Variants in CSRNP3 observed in about 807,000 individuals in gnomAD.
CSRNP3 encodes cysteine and serine rich nuclear protein 3.
Under a neutral mutation model 48.0 loss-of-function variants are expected in CSRNP3, and 12 were observed. That is an observed-to-expected ratio of 0.25 (90% CI 0.16 to 0.41). The LOEUF is 0.41. Among genes scored for constraint, CSRNP3 ranks in the 10% least tolerant of loss-of-function variants. The pLI is 1.00. For synonymous variants in CSRNP3, 263 were observed against 269.7 expected (o/e 0.98, Z 0.24); for missense variants, 580 against 724.4 (o/e 0.80, Z 2.29).
At chr2:165,585,685 A>G (rs1029334678) in intron 3 of CSRNP3, among the ~76,000 whole-genome samples, 6 of 152,228 alleles carry the variant, frequency 3.9e-5, no homozygotes, top group Admixed American at 2.0e-4. Flanking sequence ...AGAATGCACA[A>G]TAGATTATTT....
intron 1 of CSRNP3, among the ~76,000 whole-genome samples, chr2:165,492,008 A>G (rs915406374): frequency 6.6e-6 from 1 of 151,022 alleles, no homozygotes; most frequent in Admixed American, 6.6e-5. Context: ...GAAATTAAGT[A>G]ACCAAATTCT....
chr2:165,668,536 G>A (rs1159784034), intron 5 of CSRNP3, among the ~76,000 whole-genome samples: 2 of 151,500 alleles, frequency 1.3e-5, no homozygotes, highest in African/African-American at 2.4e-5. Flanking sequence ...CAAATACCTG[G>A]GACTGCAGGT....
intron 4 of CSRNP3, among the ~76,000 whole-genome samples, chr2:165,628,788 C>T (rs1014805498): frequency 1.3e-5 from 2 of 151,342 alleles, no homozygotes; most frequent in East Asian, 2.0e-4. Context: ...ATGAGGGGGC[C>T]GGGCACAGTG....
At chr2:165,615,923 G>T (rs560207154) in intron 4 of CSRNP3, among the ~76,000 whole-genome samples, 1 of 139,856 alleles carries the variant, frequency 7.2e-6, no homozygotes, top group African/African-American at 2.7e-5. Context: ...TACAGATTGG[G>T]TCTCACTATG....
intron 2 of CSRNP3, among the ~76,000 whole-genome samples, chr2:165,506,293 A>G (rs34839987): frequency 0.086 from 13,153 of 152,246 alleles, 857 homozygotes; most frequent in Middle Eastern, 0.14. Context: ...GTGCTCAGAT[A>G]GGATCTCTGT....
At chr2:165,521,299 T>C (rs1437382425) in intron 3 of CSRNP3, among the ~76,000 whole-genome samples, 1 of 152,188 alleles carries the variant, frequency 6.6e-6, no homozygotes, top group Non-Finnish European at 1.5e-5. Context: ...TATTGAGCTT[T>C]GTTGTACTCA....
chr2:165,596,133 T>C (rs1232724220), intron 4 of CSRNP3, among the ~76,000 whole-genome samples: 1 of 140,444 alleles, frequency 7.1e-6, no homozygotes, highest in African/African-American at 2.9e-5. Context: ...GTTTTCTTTT[T>C]GATTTTTTTT....
At chr2:165,628,588 G>T (rs917315593) in intron 4 of CSRNP3, among the ~76,000 whole-genome samples, 1 of 151,966 alleles carries the variant, frequency 6.6e-6, no homozygotes, top group Admixed American at 6.6e-5. Flanking sequence ...GCTGGGCGTG[G>T]TGGTGGGCGC....
At chr2:165,536,790 T>G (rs1172359860) in intron 3 of CSRNP3, among the ~76,000 whole-genome samples, 1 of 151,912 alleles carries the variant, frequency 6.6e-6, no homozygotes, top group Non-Finnish European at 1.5e-5. Context: ...CTTTCATGTG[T>G]GCCAGTTATT....
At chr2:165,602,539 G>A (rs1309004640) in intron 4 of CSRNP3, among the ~76,000 whole-genome samples, 1 of 152,206 alleles carries the variant, frequency 6.6e-6, no homozygotes, top group Non-Finnish European at 1.5e-5. Flanking sequence ...AGTAAATTAT[G>A]AGTGGAGGAA....
intron 1 of CSRNP3, among the ~76,000 whole-genome samples, chr2:165,481,047 C>T (rs1394960827): frequency 6.6e-6 from 1 of 151,512 alleles, no homozygotes; most frequent in Non-Finnish European, 1.5e-5. Flanking sequence ...TTTATAATAA[C>T]AAATACTTAA....
chr2:165,662,936 AAAAC>A (rs1403555533), intron 5 of CSRNP3, among the ~76,000 whole-genome samples: 1 of 152,174 alleles, frequency 6.6e-6, no homozygotes, highest in African/African-American at 2.4e-5. Flanking sequence ...CCTCATTTAA[AAAAC>A]AAACAAAAAA....
rs199936893 is a variant in CSRNP3, at chr2:165,599,273, A to G, written c.148+4060A>G. Among the ~76,000 whole-genome samples, 52 of 69,030 alleles carry G rather than the reference A, an allele frequency of 7.5e-4. No homozygotes were observed. In the East Asian group the frequency reaches 0.018, roughly 25 times the overall value. 45.3% of individuals were successfully genotyped at this position (69,030 alleles called of 152,430 possible). On this transcript the variant is annotated intron_variant, in intron 4 of 6. Transcript: ENST00000651982. ...AAAAAGAAAGAAAGAAAAAGAAAGA[A>G]AGAGAGAGAGAGAAAGAAAGAAAGA...
At chr2:165,671,635 G>A (rs1360445998) in intron 5 of CSRNP3, among the ~76,000 whole-genome samples, 2 of 152,208 alleles carry the variant, frequency 1.3e-5, no homozygotes, top group Admixed American at 6.5e-5. Flanking sequence ...AATGGGAGGG[G>A]CTGCTGTGAA....
Position 165,657,182 on chromosome 2 carries a change from A to T in CSRNP3, c.149-579A>T, listed in dbSNP as rs1321110355. Among the ~76,000 whole-genome samples the T allele has an allele frequency of 2.0e-5, 3 of 152,302 alleles. No homozygotes were observed. In the South Asian group the frequency reaches 6.2e-4, roughly 32 times the overall value. On this transcript the variant is annotated intron_variant, in intron 4 of 6. Transcript: ENST00000651982. Reference sequence around the variant, plus strand: ...TAGTTACATAGTAGCCATCTCGGTTATCAGATCAACTGCCATGGGTATCCC... The same window carrying T: ...TAGTTACATAGTAGCCATCTCGGTTTTCAGATCAACTGCCATGGGTATCCC...
At chr2:165,614,780 A>T (rs1455891445) in intron 4 of CSRNP3, among the ~76,000 whole-genome samples, 1 of 152,166 alleles carries the variant, frequency 6.6e-6, no homozygotes, top group East Asian at 1.9e-4. Context: ...TTTCAATAAC[A>T]TTTTTTAAAC....
chr2:165,667,810 T>C (rs564379754), intron 5 of CSRNP3, among the ~76,000 whole-genome samples: 13 of 152,322 alleles, frequency 8.5e-5, no homozygotes, highest in Non-Finnish European at 1.8e-4. Flanking sequence ...AACTTGCACA[T>C]ATATTTTGTG....
At chr2:165,626,068 C>G (rs913247683) in intron 4 of CSRNP3, among the ~76,000 whole-genome samples, 1 of 151,506 alleles carries the variant, frequency 6.6e-6, no homozygotes, top group African/African-American at 2.4e-5. Context: ...CCTAAAAATA[C>G]AAAAATTAGC....
intron 2 of CSRNP3, among the ~76,000 whole-genome samples, chr2:165,497,759 G>A (rs2105462817): frequency 6.6e-6 from 1 of 152,154 alleles, no homozygotes; most frequent in South Asian, 2.1e-4. Flanking sequence ...CAAAATGTGA[G>A]CTGGTGGCAG....
Sources: allele counts gnomAD v4.1 joint callset (sites outside exome capture counted in the v4.1 genomes callset), GRCh38; gene constraint gnomAD v4.1.1; transcripts MANE v1.5; gene names NCBI Gene and HGNC (gene_info 2026-07-23, HGNC 2026-07-21).